MAGI1: variants seen among roughly 807,000 people sequenced by gnomAD.
MAGI1 encodes the protein membrane-associated guanylate kinase, WW and PDZ domain-containing protein 1.
In MAGI1, 58 loss-of-function variants were observed where a neutral mutation model predicts 139.9. The observed-to-expected ratio is 0.41, with a 90% CI of 0.34 to 0.52. MAGI1 has a LOEUF of 0.52. Among genes scored for constraint, MAGI1 ranks in the 20% least tolerant of loss-of-function variants. The pLI is 0.12. For missense variants in MAGI1, 1,874 were observed against 1,901.6 expected (o/e 0.99, Z 0.27); for synonymous variants, 812 against 737.9 (o/e 1.10, Z -1.63).
chr3:65,522,453 C>A (rs2078206084), intron 2 of MAGI1, among the ~76,000 whole-genome samples: 1 of 152,056 alleles, frequency 6.6e-6, no homozygotes, highest in Admixed American at 6.6e-5. Context: ...CATTTTCTCC[C>A]CTACATAAAG....
intron 1 of MAGI1, among the ~76,000 whole-genome samples, chr3:65,696,390 A>G (rs1011699962): frequency 2.6e-5 from 4 of 152,046 alleles, no homozygotes; most frequent in South Asian, 2.1e-4. Context: ...ATACCTTTAT[A>G]TTGGATTTTA....
intron 4 of MAGI1, among the ~76,000 whole-genome samples, chr3:65,472,043 C>A (rs1420929711): frequency 3.3e-5 from 5 of 152,130 alleles, no homozygotes; most frequent in Admixed American, 6.5e-5. Context: ...ATTTTGTTTG[C>A]TTGAACCCCC....
chr3:65,461,722 T>A (rs1341367941), intron 5 of MAGI1, among the ~76,000 whole-genome samples: 1 of 151,930 alleles, frequency 6.6e-6, no homozygotes, highest in Non-Finnish European at 1.5e-5. Context: ...TCTCCTGACC[T>A]CATGATCCAC....
intron 1 of MAGI1, among the ~76,000 whole-genome samples, chr3:65,636,956 C>A (rs2084662495): frequency 6.6e-6 from 1 of 152,186 alleles, no homozygotes; most frequent in African/African-American, 2.4e-5. Context: ...AAGGTTAAGC[C>A]CATTGCAGGC....
chr3:65,936,412 C>A (rs530715567), intron 1 of MAGI1, among the ~76,000 whole-genome samples: 1 of 152,160 alleles, frequency 6.6e-6, no homozygotes, highest in African/African-American at 2.4e-5. Context: ...CTGAGGCATA[C>A]CGATCACCTG....
chr3:65,699,120 GA>G (rs2089423961), intron 1 of MAGI1, among the ~76,000 whole-genome samples: 2 of 110,366 alleles, frequency 1.8e-5, no homozygotes, highest in Admixed American at 8.9e-5. Flanking sequence ...AAAAACACAT[GA>G]AAAAATGCTC....
At chr3:65,644,529 C>T (rs1018589109) in intron 1 of MAGI1, among the ~76,000 whole-genome samples, 1 of 151,652 alleles carries the variant, frequency 6.6e-6, no homozygotes, top group African/African-American at 2.4e-5. Context: ...CCACTGCACT[C>T]AGCCTGAGTG....
chr3:65,813,559 G>C (rs1406511563), intron 1 of MAGI1, among the ~76,000 whole-genome samples: 1 of 152,148 alleles, frequency 6.6e-6, no homozygotes, highest in Non-Finnish European at 1.5e-5. Context: ...AAAAAGAGCA[G>C]TCTCAGAGTT....
intron 2 of MAGI1, among the ~76,000 whole-genome samples, chr3:65,498,236 C>A (rs1952588106): frequency 7.1e-6 from 1 of 141,746 alleles, no homozygotes; most frequent in African/African-American, 2.5e-5. Context: ...GAAGACGAGT[C>A]AAACAAATTC....
At chr3:65,762,594 G>A (rs1301068130) in intron 1 of MAGI1, among the ~76,000 whole-genome samples, 1 of 152,102 alleles carries the variant, frequency 6.6e-6, no homozygotes, top group Non-Finnish European at 1.5e-5. Flanking sequence ...GCAGGGCCCA[G>A]GGAAACAAAA....
chr3:65,493,365 C>A, intron 3 of MAGI1, 147 bp downstream of exon 3: 1 of 843,352 alleles, frequency 1.2e-6, no homozygotes, highest in South Asian at 1.9e-5. Flanking sequence ...TAGACTTTGT[C>A]TATTATTCGT....
At chr3:65,558,419 G>A (rs754417722) in intron 2 of MAGI1, among the ~76,000 whole-genome samples, 44 of 152,122 alleles carry the variant, frequency 2.9e-4, no homozygotes, top group Non-Finnish European at 5.4e-4. Context: ...GATAGCTGAG[G>A]CAAGAGGATC....
intron 2 of MAGI1, among the ~76,000 whole-genome samples, chr3:65,571,311 C>T (rs188482695): frequency 6.6e-6 from 1 of 151,908 alleles, no homozygotes; most frequent in Admixed American, 6.6e-5. Context: ...ACAAATTTTT[C>T]CTCAAATTTT....
chr3:65,574,828 A>G (rs6786789), intron 2 of MAGI1, among the ~76,000 whole-genome samples: 52,572 of 151,874 alleles, frequency 0.35, 10,216 homozygotes, highest in African/African-American at 0.53. Flanking sequence ...ACTAATTACC[A>G]ACAAAGATGC....
At position 66,038,153 on chromosome 3, in the gene MAGI1, T is replaced by C. The variant is rs1260918543; in HGVS notation, c.156A>G (p.Ala52=). ...PYVGAVAAVE[A]AGLPGGGEGP... ...CCTCGCCGCCGCCGGGAAGCCCCGC[T>C]GCCTCGACCGCCGCCACCGCTCCGA... Residue 52 remains alanine, a synonymous_variant, in exon 1 of 23, where the codon GCA becomes GCG. Transcript: ENST00000402939. 3 of 1,611,774 alleles carry C rather than the reference T, an allele frequency of 1.9e-6. No homozygotes were observed. The highest frequency in any genetic ancestry group is 1.7e-5 in the Admixed American group (1 of 59,944).
At chr3:65,989,837 C>T (rs549882471) in intron 1 of MAGI1, among the ~76,000 whole-genome samples, 1 of 152,090 alleles carries the variant, frequency 6.6e-6, no homozygotes, top group African/African-American at 2.4e-5. Flanking sequence ...CTGCACCTGA[C>T]CCAGACATAA....
At chr3:65,503,097 C>G (rs2107709055) in intron 2 of MAGI1, among the ~76,000 whole-genome samples, 1 of 152,250 alleles carries the variant, frequency 6.6e-6, no homozygotes, top group East Asian at 1.9e-4. Flanking sequence ...GTGTGCTGTA[C>G]CTCCAGCAGA....
At chr3:65,879,693 G>A (rs534872773) in intron 1 of MAGI1, among the ~76,000 whole-genome samples, 1 of 152,092 alleles carries the variant, frequency 6.6e-6, no homozygotes, top group African/African-American at 2.4e-5. Context: ...TGATAGTCTA[G>A]GTACAATACC....
At chr3:65,484,445 C>T (rs1056268174) in intron 3 of MAGI1, among the ~76,000 whole-genome samples, 3 of 152,132 alleles carry the variant, frequency 2.0e-5, no homozygotes, top group Non-Finnish European at 2.9e-5. Flanking sequence ...CAATATCACC[C>T]CCAAGGGGGC....
Sources: allele counts gnomAD v4.1 joint callset (sites outside exome capture counted in the v4.1 genomes callset), GRCh38; gene constraint gnomAD v4.1.1; transcripts MANE v1.5; gene names NCBI Gene and HGNC (gene_info 2026-07-23, HGNC 2026-07-21).